Variants in PCDHA5 observed in about 807,000 individuals in gnomAD.
PCDHA5 encodes the protein protocadherin alpha-5.
In PCDHA5, 43 loss-of-function variants were observed where a neutral mutation model predicts 61.6. That is an observed-to-expected ratio of 0.70 (90% CI 0.55 to 0.90). The LOEUF (loss-of-function observed/expected upper bound fraction) is 0.90. Among genes scored for constraint, PCDHA5 ranks in the 40% least tolerant of loss-of-function variants. The pLI is 0.00. For missense variants in PCDHA5, 1,298 were observed against 1,222.7 expected (o/e 1.06, Z -0.92); for synonymous variants, 627 against 543.9 (o/e 1.15, Z -2.13).
intron 1 of PCDHA5, chr5:140,857,466 T>C: frequency 1.9e-6 from 3 of 1,598,502 alleles, no homozygotes; most frequent in Non-Finnish European, 2.6e-6. Context: ...GGCTGCCACA[T>C]CTTCACGGTG....
Position 140,932,015 on chromosome 5 carries a change from C to T in PCDHA5, c.2353-46934C>T, listed in dbSNP as rs150185692. Reference sequence around the variant, plus strand: ...TTCTAAGTTCTTTCATTTTAGTTTACGGTAAGTTTACAGTATATATTAACA... The same window carrying T: ...TTCTAAGTTCTTTCATTTTAGTTTATGGTAAGTTTACAGTATATATTAACA... On this transcript the variant is annotated intron_variant, in intron 1 of 3. Coordinates refer to ENST00000529859, the MANE Select transcript of PCDHA5 (RefSeq NM_018908.3). Among the ~76,000 whole-genome samples, 8 of 151,784 alleles carry T rather than the reference C, an allele frequency of 5.3e-5. No homozygotes were observed. The East Asian group carries it at 5.8e-4, about 11-fold the overall frequency.
At chr5:140,991,569 A>G (rs1157834136) in intron 3 of PCDHA5, among the ~76,000 whole-genome samples, 4 of 152,188 alleles carry the variant, frequency 2.6e-5, no homozygotes, top group Admixed American at 6.5e-5. Flanking sequence ...GTTTCCAATA[A>G]CAGGCTCCTT....
chr5:140,920,821 C>T (rs1389717155), intron 1 of PCDHA5, among the ~76,000 whole-genome samples: 11 of 146,336 alleles, frequency 7.5e-5, no homozygotes, highest in South Asian at 2.1e-4. Flanking sequence ...TCCAGCCTGG[C>T]GACGGAGCAA....
Position 140,850,293 on chromosome 5 carries a change from G to T in PCDHA5, c.2352+26166G>T. On this transcript the variant is annotated intron_variant, in intron 1 of 3. Coordinates refer to ENST00000529859, the MANE Select transcript of PCDHA5 (RefSeq NM_018908.3). ...GGGGAAGGTGCGCGCAGTGGACGCC[G>T]ACTCGGGCTACAACGCGTGGCTTTC... 6.3e-6 allele frequency: 10 copies of T among 1,596,280 alleles called. 2 individuals are homozygous for T. The highest frequency in any genetic ancestry group is 8.6e-6 in the Non-Finnish European group (10 of 1,167,618).
intron 1 of PCDHA5, among the ~76,000 whole-genome samples, chr5:140,948,744 C>A (rs868917864): frequency 3.3e-5 from 5 of 151,312 alleles, no homozygotes; most frequent in South Asian, 2.1e-4. Flanking sequence ...GAGAATTTAT[C>A]AATTTTGCTG....
chr5:140,858,998 T>G, intron 1 of PCDHA5: 1 of 151,598 alleles, frequency 6.6e-6, no homozygotes, highest in East Asian at 1.9e-4. Context: ...TTGGTAAAAA[T>G]TTCTTAATCT....
At chr5:140,829,868 A>C in intron 1 of PCDHA5, 1 of 1,613,886 alleles carries the variant, frequency 6.2e-7, no homozygotes, top group Non-Finnish European at 8.5e-7. Flanking sequence ...AGTGGTGGCG[A>C]AGGTGCGCGC....
intron 1 of PCDHA5, among the ~76,000 whole-genome samples, chr5:140,947,307 T>C (rs1329729103): frequency 6.6e-6 from 1 of 151,660 alleles, no homozygotes; most frequent in African/African-American, 2.4e-5. Context: ...GACATCTTTG[T>C]AAAAAGTCGG....
chr5:140,839,117 T>C (rs1776042409), intron 1 of PCDHA5, among the ~76,000 whole-genome samples: 1 of 151,952 alleles, frequency 6.6e-6, no homozygotes, highest in Admixed American at 6.5e-5. Flanking sequence ...CATTAAGCCA[T>C]AATATGTCAT....
chr5:140,969,311 G>A (rs2096317598), intron 1 of PCDHA5: 2 of 1,614,050 alleles, frequency 1.2e-6, no homozygotes, highest in Non-Finnish European at 1.7e-6. Context: ...TCTCAAAAAT[G>A]AGGCTGTTTC....
intron 1 of PCDHA5, chr5:140,858,909 C>T (rs2150442831): frequency 5.4e-6 from 1 of 185,188 alleles, no homozygotes; most frequent in South Asian, 1.1e-4. Flanking sequence ...CGTACCACAG[C>T]TTATACTGCC....
rs543216216 is a variant in PCDHA5, at chr5:140,917,329, G to A, written c.2353-61620G>A. 1.4e-4 allele frequency among the ~76,000 whole-genome samples: 20 copies of A among 144,014 alleles called. 2 individuals are homozygous for A. In the South Asian group the frequency reaches 2.0e-3, roughly 14 times the overall value. The allele number at this position is 144,014 out of a possible 152,430, so 94.5% of individuals were successfully genotyped here. ...ACAATTTGGTGTTCATGTGGCGGGG[G>A]AGGGGGGGGATGGTGTAGGCTTCTG... is the stretch of plus-strand genomic sequence containing the variant. On this transcript the variant is annotated intron_variant, in intron 1 of 3. Coordinates refer to ENST00000529859, the MANE Select transcript of PCDHA5 (RefSeq NM_018908.3).
rs782361286 is a variant in PCDHA5, at chr5:140,876,924, G to T, written c.2352+52797G>T. The T allele has an allele frequency of 4.3e-6, 7 of 1,613,704 alleles. No individual in the cohort carries two copies. The African/African-American group carries it at 5.3e-5, about 12-fold the overall frequency. The stretch of plus-strand genomic sequence containing the variant: ...CGGTGTCGGCATGGGACGCGGACGC[G>T]CAGAAGAACGCGCTGGTGTCCTACT... On this transcript the variant is annotated intron_variant, in intron 1 of 3. Coordinates refer to ENST00000529859, the MANE Select transcript of PCDHA5 (RefSeq NM_018908.3).
At chr5:140,975,562 A>T (rs1445534188) in intron 1 of PCDHA5, among the ~76,000 whole-genome samples, 2 of 152,206 alleles carry the variant, frequency 1.3e-5, no homozygotes, top group African/African-American at 4.8e-5. Flanking sequence ...GGAAAAGGAG[A>T]TATTATATGC....
At chr5:140,868,057 G>C (rs1243916361) in intron 1 of PCDHA5, 4 of 152,030 alleles carry the variant, frequency 2.6e-5, no homozygotes, top group African/African-American at 7.2e-5. Flanking sequence ...ATGGCACAAA[G>C]ATGTTCAGGG....
chr5:140,938,124 A>G (rs2091929948), intron 1 of PCDHA5, among the ~76,000 whole-genome samples: 1 of 152,076 alleles, frequency 6.6e-6, no homozygotes, highest in South Asian at 2.1e-4. Flanking sequence ...TTTTTTTAAA[A>G]AAATAGAGAT....
intron 1 of PCDHA5, chr5:140,842,523 T>C (rs2150338056): frequency 6.2e-7 from 1 of 1,613,420 alleles, no homozygotes; most frequent in South Asian, 1.1e-5. Flanking sequence ...GTGTCCACCT[T>C]CAAGAATTAC....
chr5:140,837,994 C>CT lies in PCDHA5; in HGVS notation c.2352+13875dup, dbSNP rs2150281652. Among the ~76,000 whole-genome samples, 95 of 150,614 alleles carry CT rather than the reference C, an allele frequency of 6.3e-4. 1 individual carries two copies. Among genetic ancestry groups the CT allele is most frequent in the African/African-American group, 9.0e-4 (37 of 40,918 alleles). On this transcript the variant is annotated intron_variant, in intron 1 of 3. Transcript: ENST00000529859. ...ACACCCAGCCTGCCTTTCATCTTTC[C>CT]TTTTTTTTAAAAAAAGAAGTGATTA... is the stretch of plus-strand genomic sequence containing the variant.
In PCDHA5 at chr5:140,922,940, G is replaced by A. The variant is rs138846807; in HGVS notation, c.2353-56009G>A. 4.7e-3 allele frequency among the ~76,000 whole-genome samples: 717 copies of A among 152,280 alleles called. 4 individuals carry two copies. Among genetic ancestry groups the A allele is most frequent in the Middle Eastern group, 0.021 (6 of 292 alleles). On this transcript the variant is annotated intron_variant, in intron 1 of 3. Coordinates refer to ENST00000529859, the MANE Select transcript of PCDHA5 (RefSeq NM_018908.3). Reference sequence around the variant, plus strand: ...ACTTCAGACTTTTACTTCCAGCAATGGAAATCCAGTTTGTCTTCAGCCAGT... The same window carrying A: ...ACTTCAGACTTTTACTTCCAGCAATAGAAATCCAGTTTGTCTTCAGCCAGT...
Sources: gnomAD v4.1 joint callset for allele counts (sites outside exome capture counted in the v4.1 genomes callset) on GRCh38, gnomAD v4.1.1 for gene constraint, MANE v1.5 for transcripts, NCBI Gene and HGNC (gene_info 2026-07-23, HGNC 2026-07-21) for gene names.